The following NRDC variants were observed in gnomAD, a reference collection of about 807,000 sequenced individuals.
NRDC encodes the protein nardilysin.
NRDC carries 54 observed loss-of-function variants against 147.1 expected under a neutral mutation model. The ratio of observed to expected loss-of-function variants is 0.37; its 90% CI spans 0.29 to 0.46. NRDC has a LOEUF of 0.46. Among genes scored for constraint, NRDC ranks in the 20% least tolerant of loss-of-function variants. The pLI is 1.00. For missense variants in NRDC, 1,082 were observed against 1,370.6 expected (o/e 0.79, Z 3.33); for synonymous variants, 440 against 482.1 (o/e 0.91, Z 1.14).
At chr1:51,844,121 C>T (rs1681413089) in intron 1 of NRDC, among the ~76,000 whole-genome samples, 1 of 152,048 alleles carries the variant, frequency 6.6e-6, no homozygotes, top group South Asian at 2.1e-4. Context: ...AACCTCAATA[C>T]CCTGGCTATA....
At chr1:51,875,333 C>A (rs1417900736) in intron 1 of NRDC, among the ~76,000 whole-genome samples, 1 of 151,940 alleles carries the variant, frequency 6.6e-6, no homozygotes, top group Non-Finnish European at 1.5e-5. Context: ...CTGTTCTAAC[C>A]AACCCCCTTC....
chr1:51,803,906 A>G lies in NRDC; in HGVS notation c.2221T>C (p.Tyr741His). The G allele has an allele frequency of 6.2e-7, 1 of 1,613,656 alleles. No homozygotes were observed. The highest frequency in any genetic ancestry group is 8.5e-7 in the Non-Finnish European group (1 of 1,179,732). Residue 741 changes from tyrosine (Y) to histidine (H), a missense_variant, in exon 20 of 31, where the codon TAT becomes CAT. Coordinates refer to ENST00000352171, the MANE Select transcript of NRDC (RefSeq NM_001101662.2). ...ILTHNLAEPA[Y>H]EADVAQLEYK... ...TCCAGCTGTGCCACATCTGCTTCAT[A>G]AGCTGGTTCCGCAAGGTTATGCGTA...
chr1:51,863,445 TC>T (rs1487686554), intron 1 of NRDC, among the ~76,000 whole-genome samples: 9 of 152,180 alleles, frequency 5.9e-5, no homozygotes, highest in Admixed American at 4.6e-4. Context: ...TAATAATGTT[TC>T]TTTAATGAAC....
intron 1 of NRDC, among the ~76,000 whole-genome samples, chr1:51,847,037 T>G (rs1681665262): frequency 6.7e-6 from 1 of 150,056 alleles, no homozygotes; most frequent in Non-Finnish European, 1.5e-5. Flanking sequence ...GAGTGCCGAT[T>G]GGTGCATTCA....
chr1:51,848,729 A>C (rs1681783792), intron 1 of NRDC, among the ~76,000 whole-genome samples: 1 of 152,182 alleles, frequency 6.6e-6, no homozygotes, highest in Admixed American at 6.5e-5. Context: ...AAAATGCATA[A>C]ATATACCTAA....
At chr1:51,833,903 C>T (rs1680828654) in intron 4 of NRDC, 114 bp downstream of exon 4, 1 of 930,502 alleles carries the variant, frequency 1.1e-6, no homozygotes, top group Admixed American at 2.4e-5. Flanking sequence ...GCATGAGTCA[C>T]CATGACTGGT....
At chr1:51,829,434 G>T (rs1221517805) in intron 4 of NRDC, among the ~76,000 whole-genome samples, 1 of 152,238 alleles carries the variant, frequency 6.6e-6, no homozygotes, top group Non-Finnish European at 1.5e-5. Context: ...AGAGCACGAA[G>T]TTGAGTAGTC....
At chr1:51,866,851 T>C (rs1682834598) in intron 1 of NRDC, among the ~76,000 whole-genome samples, 2 of 151,944 alleles carry the variant, frequency 1.3e-5, no homozygotes, top group African/African-American at 4.8e-5. Context: ...ACATGAAATT[T>C]AGATAGTGGT....
chr1:51,849,532 G>T (rs554694266), intron 1 of NRDC, among the ~76,000 whole-genome samples: 2 of 151,450 alleles, frequency 1.3e-5, no homozygotes, highest in African/African-American at 2.4e-5. Flanking sequence ...TTTTGAAAAA[G>T]ATGGCCGGGC....
In NRDC at chr1:51,794,453, T is replaced by A; in HGVS notation, c.2775+19A>T. Reference sequence around the variant, plus strand: ...CCAGGCACTGGGCCTTCCGCCAGTCTTTAGTACACCCAACTGACCTGGTAG... The same window carrying A: ...CCAGGCACTGGGCCTTCCGCCAGTCATTAGTACACCCAACTGACCTGGTAG... On this transcript the variant is annotated intron_variant, in intron 24 of 30. Transcript: ENST00000352171. The A allele has an allele frequency of 6.2e-7, 1 of 1,612,698 alleles. No individual in the cohort carries two copies. Among genetic ancestry groups the A allele is most frequent in the Non-Finnish European group, 8.5e-7 (1 of 1,178,794 alleles).
Position 51,789,627 on chromosome 1 carries a change from C to CTGAT in NRDC, c.3195_3198dup (p.Asp1067IlefsTer11). On this transcript the variant is annotated frameshift_variant, in exon 30 of 31. Coordinates refer to ENST00000352171, the MANE Select transcript of NRDC (RefSeq NM_001101662.2). LOFTEE classifies it high-confidence loss of function. ...TGGGCCTTGAACCAGTTGACCAGGT[C>CTGAT]TGATTTTGAGAATGACTTCAGTGCT... 6.2e-7 allele frequency: 1 copy of CTGAT among 1,613,904 alleles called. No individual in the cohort carries two copies. Among genetic ancestry groups the CTGAT allele is most frequent in the Non-Finnish European group, 8.5e-7 (1 of 1,179,812 alleles).
At chr1:51,826,948 A>C (rs979853227) in intron 5 of NRDC, among the ~76,000 whole-genome samples, 10 of 152,222 alleles carry the variant, frequency 6.6e-5, no homozygotes, top group Admixed American at 6.5e-5. Flanking sequence ...GAGTCTCAAA[A>C]TATGAAAAGT....
intron 23 of NRDC, 23 bp downstream of exon 23, chr1:51,794,800 A>G (rs1167312296): frequency 1.5e-5 from 25 of 1,613,602 alleles, no homozygotes; most frequent in Non-Finnish European, 2.1e-5. Flanking sequence ...ACATAACCCC[A>G]AAGAGAAAAT....
intron 1 of NRDC, among the ~76,000 whole-genome samples, chr1:51,849,052 C>T (rs774276964): frequency 2.6e-5 from 4 of 152,098 alleles, no homozygotes; most frequent in South Asian, 2.1e-4. Flanking sequence ...ACCAATTCTT[C>T]CCCCAAATTA....
intron 15 of NRDC, 86 bp from the exon 16 acceptor site, chr1:51,810,490 G>C: frequency 8.7e-7 from 1 of 1,148,226 alleles, no homozygotes; most frequent in East Asian, 2.5e-5. Flanking sequence ...ACATTGTTAG[G>C]CACCTCCAAG....
At chr1:51,806,590 G>A (rs1679474750) in intron 18 of NRDC, among the ~76,000 whole-genome samples, 1 of 152,204 alleles carries the variant, frequency 6.6e-6, no homozygotes, top group African/African-American at 2.4e-5. Flanking sequence ...GCAAGTTACA[G>A]CAAAGTGGAG....
intron 1 of NRDC, among the ~76,000 whole-genome samples, chr1:51,872,007 G>A (rs1479387474): frequency 1.3e-5 from 2 of 152,122 alleles, no homozygotes; most frequent in Non-Finnish European, 2.9e-5. Flanking sequence ...CAGTATCTGG[G>A]ATTACAGGCA....
intron 30 of NRDC, 45 bp downstream of exon 30, chr1:51,789,523 T>C: frequency 1.3e-6 from 2 of 1,591,716 alleles, no homozygotes; most frequent in Non-Finnish European, 1.7e-6. Context: ...ACTCACTCAG[T>C]AAATGACAAC....
rs755111170 is a variant in NRDC at position 51,814,674 on chromosome 1, C to T, written c.1560+19G>A. ...ATATCTACGTAAAAGGAAAAAACAA[C>T]TGAATTTGAATTATTTACCTCATAA... is the stretch of plus-strand genomic sequence containing the variant. On this transcript the variant is annotated intron_variant, in intron 12 of 30. Coordinates refer to ENST00000352171, the MANE Select transcript of NRDC (RefSeq NM_001101662.2). 6 of 1,604,834 alleles carry T rather than the reference C, an allele frequency of 3.7e-6. No homozygotes were observed. The highest frequency in any genetic ancestry group is 1.7e-4 in the Middle Eastern group (1 of 6,008).
Sources: allele counts gnomAD v4.1 joint callset (sites outside exome capture counted in the v4.1 genomes callset), GRCh38; gene constraint gnomAD v4.1.1; transcripts MANE v1.5; gene names NCBI Gene and HGNC (gene_info 2026-07-23, HGNC 2026-07-21).